ADGRL4: variants seen among roughly 807,000 people sequenced by gnomAD.
ADGRL4 encodes the protein adhesion G protein-coupled receptor L4, also known as EGF, latrophilin and seven transmembrane domain containing 1.
In ADGRL4, 90 loss-of-function variants were observed where a neutral mutation model predicts 74.8. That is an observed-to-expected ratio of 1.20 (90% CI 1.02 to 1.43). The LOEUF is 1.43. ADGRL4 is among the 40% of genes most tolerant of loss of function. The probability of loss-of-function intolerance (pLI) is 0.00; values close to 1 mark genes in which losing one functional copy is unlikely to be tolerated. For synonymous variants in ADGRL4, 311 were observed against 279.2 expected, an observed-to-expected ratio of 1.11 and a Z score of -1.14; for missense variants, 881 against 814.3, an observed-to-expected ratio of 1.08 and a Z score of -1.00.
intron 2 of ADGRL4, among the ~76,000 whole-genome samples, chr1:78,962,815 C>T (rs2100709776): frequency 6.6e-6 from 1 of 151,810 alleles, no homozygotes; most frequent in Admixed American, 6.6e-5. Context: ...ATAAAATGCA[C>T]TAATAGGATA....
intron 2 of ADGRL4, among the ~76,000 whole-genome samples, chr1:78,954,501 C>T (rs1232551973): frequency 6.6e-6 from 1 of 152,084 alleles, no homozygotes; most frequent in African/African-American, 2.4e-5. Flanking sequence ...TCAACTGTTA[C>T]ACTAAATGAG....
At position 78,890,190 on chromosome 1, in the gene ADGRL4, A is replaced by G. The variant is rs1648237772; in HGVS notation, c.*964T>C. ...TACAATACCCCTTTAAAAATAGTAA[A>G]TTAAAGGGAATATTGCAATGTGAAC... On this transcript the variant is annotated 3_prime_UTR_variant, in exon 15 of 15. Transcript: ENST00000370742. 1 of 152,918 alleles carries G rather than the reference A, an allele frequency of 6.5e-6. No individual in the cohort carries two copies. Among genetic ancestry groups the G allele is most frequent in the African/African-American group, 2.4e-5 (1 of 41,468 alleles). The allele number at this position is 152,918 out of a possible 1,614,324, so 9.5% of individuals were successfully genotyped here.
chr1:78,899,122 T>C (rs1345085853), intron 12 of ADGRL4, among the ~76,000 whole-genome samples: 1 of 152,168 alleles, frequency 6.6e-6, no homozygotes, highest in Non-Finnish European at 1.5e-5. Context: ...TTTAGACCCA[T>C]GCTTAAATTT....
intron 4 of ADGRL4, among the ~76,000 whole-genome samples, chr1:78,938,767 A>C (rs994098363): frequency 6.6e-6 from 1 of 152,082 alleles, no homozygotes; most frequent in Non-Finnish European, 1.5e-5. Context: ...TCACATTTTC[A>C]ATCATACGAC....
intron 7 of ADGRL4, among the ~76,000 whole-genome samples, chr1:78,934,224 A>G (rs7525055): frequency 0.48 from 71,906 of 151,258 alleles, 17,594 homozygotes; most frequent in Middle Eastern, 0.55. Context: ...TACCAAAAAG[A>G]ACAGAGACCT....
chr1:78,950,824 G>A (rs139750929), intron 2 of ADGRL4, among the ~76,000 whole-genome samples: 1,980 of 152,268 alleles, frequency 0.013, 43 homozygotes, highest in African/African-American at 0.046. Context: ...GACTTGGAGC[G>A]ATCTGGTGGA....
intron 12 of ADGRL4, among the ~76,000 whole-genome samples, chr1:78,898,985 GA>G (rs1038060693): frequency 4.6e-5 from 7 of 152,218 alleles, no homozygotes; most frequent in African/African-American, 1.4e-4. Flanking sequence ...TTCAAAATCA[GA>G]CTTCAAAATG....
rs1307726397 is a variant in ADGRL4 at position 78,936,347 on chromosome 1, A to T, written c.825T>A (p.Asp275Glu). 2 of 1,592,356 alleles carry T rather than the reference A, an allele frequency of 1.3e-6. No individual in the cohort carries two copies. Among genetic ancestry groups the T allele is most frequent in the Admixed American group, 3.7e-5 (2 of 54,790 alleles). Residue 275 changes from aspartate (D) to glutamate (E), a missense_variant, in exon 7 of 15, where the codon GAT becomes GAA. Coordinates refer to ENST00000370742, the MANE Select transcript of ADGRL4 (RefSeq NM_022159.4). Reference sequence around the variant, plus strand: ...TTGGAAATATATTTATGTAGTCTCCATCCATATTCATATGAGGATGAATAT... The same window carrying T: ...TTGGAAATATATTTATGTAGTCTCCTTCCATATTCATATGAGGATGAATAT... ...MKHIHPHMNM[D>E]GDYINIFPKR...
At chr1:78,976,436 CAAAAT>C (rs1650284057) in intron 2 of ADGRL4, among the ~76,000 whole-genome samples, 1 of 151,264 alleles carries the variant, frequency 6.6e-6, no homozygotes, top group East Asian at 1.9e-4. Flanking sequence ...ATTAAGAAAA[CAAAAT>C]AAAATGAAAA....
chr1:78,959,900 G>T (rs1226571696), intron 2 of ADGRL4, among the ~76,000 whole-genome samples: 1 of 152,058 alleles, frequency 6.6e-6, no homozygotes, highest in Non-Finnish European at 1.5e-5. Context: ...TCTATCAAAA[G>T]TTATATACAA....
At chr1:78,940,636 C>T (rs947049784) in intron 3 of ADGRL4, among the ~76,000 whole-genome samples, 2 of 151,952 alleles carry the variant, frequency 1.3e-5, no homozygotes, top group Admixed American at 6.6e-5. Context: ...CCAGGTTTGA[C>T]GTCTTAAAGA....
chr1:78,949,068 C>G (rs1207829878), intron 2 of ADGRL4, among the ~76,000 whole-genome samples: 1 of 152,084 alleles, frequency 6.6e-6, no homozygotes, highest in South Asian at 2.1e-4. Context: ...GAAATTGGCT[C>G]TCAGATCAGT....
At chr1:78,951,962 T>G (rs185346726) in intron 2 of ADGRL4, among the ~76,000 whole-genome samples, 1 of 152,224 alleles carries the variant, frequency 6.6e-6, no homozygotes, top group South Asian at 2.1e-4. Context: ...TTATGTTATC[T>G]TCTTTGTATA....
intron 3 of ADGRL4, among the ~76,000 whole-genome samples, chr1:78,944,947 C>T (rs1431039495): frequency 1.3e-5 from 2 of 151,832 alleles, no homozygotes; most frequent in Admixed American, 1.3e-4. Flanking sequence ...GGCAGATTGC[C>T]TGAGCTCAGG....
rs1322197342 is a variant in ADGRL4 at position 78,889,804 on chromosome 1, C to A, written c.*1350G>T. 4.4e-6 allele frequency: 2 copies of A among 457,876 alleles called. No homozygotes were observed. Among genetic ancestry groups the A allele is most frequent in the Admixed American group, 2.5e-5 (1 of 40,616 alleles). 28.4% of individuals were successfully genotyped at this position (457,876 alleles called of 1,614,324 possible). On this transcript the variant is annotated 3_prime_UTR_variant, in exon 15 of 15. Coordinates refer to ENST00000370742, the MANE Select transcript of ADGRL4 (RefSeq NM_022159.4). The stretch of plus-strand genomic sequence containing the variant: ...TTTTATTTGTTAGAGCAAGATTTGG[C>A]AGACTTCATTTCAACAGCTGGAGGA...
chr1:78,962,383 C>G (rs928587725), intron 2 of ADGRL4, among the ~76,000 whole-genome samples: 4 of 152,110 alleles, frequency 2.6e-5, no homozygotes, highest in Non-Finnish European at 2.9e-5. Context: ...ATTTACCTCT[C>G]CAAATATTCT....
chr1:78,950,061 TA>T (rs1649689588), intron 2 of ADGRL4, among the ~76,000 whole-genome samples: 2 of 151,962 alleles, frequency 1.3e-5, no homozygotes, highest in South Asian at 4.2e-4. Flanking sequence ...GTGTCAAAAA[TA>T]AAAGAGGTAT....
chr1:78,972,621 A>T (rs2100718787), intron 2 of ADGRL4, among the ~76,000 whole-genome samples: 1 of 152,302 alleles, frequency 6.6e-6, no homozygotes, highest in Middle Eastern at 3.4e-3. Context: ...TAGTATTATT[A>T]TTTTTAAGTT....
In ADGRL4 at chr1:78,983,694, GAAGAT is replaced by G. The variant is rs1650440511; in HGVS notation, c.172+21371_172+21375del. On this transcript the variant is annotated intron_variant, in intron 2 of 14. Transcript: ENST00000370742. ...AACAGATTAAAACTTTTACAGAATTGAAGATAAGAATGTTCAAATTTGGGGAATAC... is the reference window on the plus strand; with the variant it reads ...AACAGATTAAAACTTTTACAGAATTGAAGAATGTTCAAATTTGGGGAATAC... 2.6e-5 allele frequency among the ~76,000 whole-genome samples: 4 copies of G among 151,754 alleles called. No individual in the cohort carries two copies. The Admixed American group carries it at 2.6e-4, about 10-fold the overall frequency.
Sources: allele counts gnomAD v4.1 joint callset (sites outside exome capture counted in the v4.1 genomes callset), GRCh38; gene constraint gnomAD v4.1.1; transcripts MANE v1.5; gene names NCBI Gene and HGNC (gene_info 2026-07-23, HGNC 2026-07-21).